Variants in HEG1 observed in about 807,000 individuals in gnomAD.
HEG1 encodes heart development protein with EGF like domains 1.
Under a neutral mutation model 125.6 loss-of-function variants are expected in HEG1, and 56 were observed. The observed-to-expected ratio is 0.45, with a 90% confidence interval of 0.36 to 0.56. HEG1 has a LOEUF of 0.56. HEG1 is among the 20% of genes least tolerant of loss of function. The pLI is 0.00. For missense variants in HEG1, 1,523 were observed against 1,670.0 expected (o/e 0.91, Z 1.53); for synonymous variants, 644 against 668.5 (o/e 0.96, Z 0.57).
rs562986598 is a variant in HEG1, at chr3:125,038,572, C to A, written c.317-9084G>T. On this transcript the variant is annotated intron_variant, in intron 1 of 16. Transcript: ENST00000311127. ...CGCTTTACACCATTCCAGGTGGCATCGCAGTGGGGACAATGGGTCAAATGC... is the reference window on the plus strand; with the variant it reads ...CGCTTTACACCATTCCAGGTGGCATAGCAGTGGGGACAATGGGTCAAATGC... Among the ~76,000 whole-genome samples the A allele has an allele frequency of 5.8e-4, 89 of 152,342 alleles. 2 individuals carry two copies. In the Middle Eastern group the frequency reaches 0.027, roughly 47 times the overall value.
chr3:124,991,236 A>G (rs1458637866), intron 12 of HEG1, among the ~76,000 whole-genome samples: 1 of 147,344 alleles, frequency 6.8e-6, no homozygotes, highest in Non-Finnish European at 1.5e-5. Context: ...TGCAACCTCC[A>G]CCTCCTGGGT....
chr3:124,984,383 GA>G (rs933721032), intron 14 of HEG1, among the ~76,000 whole-genome samples: 8 of 151,994 alleles, frequency 5.3e-5, no homozygotes, highest in African/African-American at 1.4e-4. Flanking sequence ...AAGAGGGATG[GA>G]AAAAAATGTC....
At position 124,969,934 on chromosome 3, in the gene HEG1, T is replaced by A. The variant is rs1936396773; in HGVS notation, c.*718A>T. 6.6e-6 allele frequency: 1 copy of A among 152,100 alleles called. No individual in the cohort carries two copies. 9.4% of individuals were successfully genotyped at this position (152,100 alleles called of 1,614,324 possible). On this transcript the variant is annotated 3_prime_UTR_variant, in exon 17 of 17. Transcript: ENST00000311127. ...CTTGTTTGAAAAAGTGAGATTTAAC[T>A]GCAAAGAGATTTAAAAAAAAAATCT...
At chr3:124,973,709 A>T (rs1196890086) in intron 16 of HEG1, 22 bp downstream of exon 16, 2 of 1,589,620 alleles carry the variant, frequency 1.3e-6, no homozygotes, top group Admixed American at 1.8e-5. Flanking sequence ...CCCTGGGGTC[A>T]TCCTGACACA....
intron 6 of HEG1, among the ~76,000 whole-genome samples, chr3:125,011,865 T>C (rs905219870): frequency 6.6e-6 from 1 of 152,230 alleles, no homozygotes; most frequent in Non-Finnish European, 1.5e-5. Context: ...AAAAGCTGCA[T>C]CATCCTACTT....
At chr3:124,983,574 A>G (rs552112062) in intron 14 of HEG1, among the ~76,000 whole-genome samples, 2 of 151,688 alleles carry the variant, frequency 1.3e-5, no homozygotes. Context: ...GGCTCAAGCA[A>G]TCCTCCCGCC....
chr3:125,024,930 G>T (rs146133543), intron 3 of HEG1, among the ~76,000 whole-genome samples: 1 of 152,230 alleles, frequency 6.6e-6, no homozygotes, highest in Non-Finnish European at 1.5e-5. Context: ...ATCACTCATC[G>T]GACTGGTGTA....
chr3:125,051,625 G>A (rs575114775), intron 1 of HEG1, among the ~76,000 whole-genome samples: 18 of 152,190 alleles, frequency 1.2e-4, no homozygotes, highest in African/African-American at 1.7e-4. Flanking sequence ...CAAAGGCCAG[G>A]GAGTCAAAAG....
chr3:124,980,651 T>G (rs1936632333), intron 14 of HEG1, among the ~76,000 whole-genome samples: 1 of 152,046 alleles, frequency 6.6e-6, no homozygotes, highest in Non-Finnish European at 1.5e-5. Flanking sequence ...TGAGTAGCTG[T>G]GATTACAGGC....
chr3:125,016,642 C>A (rs989154708), intron 5 of HEG1, among the ~76,000 whole-genome samples: 3 of 152,164 alleles, frequency 2.0e-5, no homozygotes, highest in Admixed American at 2.0e-4. Context: ...GTGTGGTATT[C>A]TTTCATGATA....
At chr3:125,009,291 T>C in intron 8 of HEG1, among the ~76,000 whole-genome samples, 1 of 152,190 alleles carries the variant, frequency 6.6e-6, no homozygotes, top group Admixed American at 6.5e-5. Context: ...AAATTGTTTT[T>C]TTTTTTTTTA....
intron 3 of HEG1, among the ~76,000 whole-genome samples, chr3:125,021,717 A>G (rs555411753): frequency 2.6e-5 from 4 of 152,308 alleles, no homozygotes; most frequent in Admixed American, 2.0e-4. Flanking sequence ...TCCCTACCTC[A>G]TGGCCACCAT....
At chr3:124,996,236 C>T (rs999496899) in intron 12 of HEG1, among the ~76,000 whole-genome samples, 2 of 152,076 alleles carry the variant, frequency 1.3e-5, no homozygotes, top group Admixed American at 6.5e-5. Flanking sequence ...AGGCATGCGT[C>T]ATCACACCCA....
At chr3:125,005,079 A>G (rs961865602) in intron 9 of HEG1, among the ~76,000 whole-genome samples, 186 bp downstream of exon 9, 1 of 152,242 alleles carries the variant, frequency 6.6e-6, no homozygotes, top group Non-Finnish European at 1.5e-5. Flanking sequence ...AAACTCTTCT[A>G]CTGGGCACAA....
chr3:125,055,815 C>G lies in HEG1; in HGVS notation c.76G>C (p.Ala26Pro), dbSNP rs1231589724. 8 of 979,216 alleles carry G rather than the reference C, an allele frequency of 8.2e-6. No homozygotes were observed. The highest frequency in any genetic ancestry group is 1.8e-5 in the African/African-American group (1 of 56,506). 60.7% of individuals were successfully genotyped at this position (979,216 alleles called of 1,614,324 possible). ...LLLPLLLLPPAAPGTRDPPPS... is the reference protein window; with the variant it reads ...LLLPLLLLPPPAPGTRDPPPS... ...GGCGGGTCCCGCGTCCCGGGGGCCG[C>G]CGGCGGCAGCAGCAGCAGCGGCAGC... Residue 26 changes from alanine (A) to proline (P), a missense_variant, in exon 1 of 17, where the codon GCG (alanine) becomes CCG (proline). Coordinates refer to ENST00000311127, the MANE Select transcript of HEG1 (RefSeq NM_020733.2).
At chr3:125,031,160 G>A (rs144859401) in intron 1 of HEG1, among the ~76,000 whole-genome samples, 375 of 152,260 alleles carry the variant, frequency 2.5e-3, no homozygotes, top group African/African-American at 7.8e-3. Flanking sequence ...GGTCAGAGCA[G>A]GTGCGTGGGA....
At chr3:124,997,558 A>G (rs1936940505) in intron 12 of HEG1, 131 bp downstream of exon 12, 2 of 809,528 alleles carry the variant, frequency 2.5e-6, no homozygotes, top group Non-Finnish European at 3.5e-6. Context: ...GAGCAAAATA[A>G]CAAGAACCAG....
chr3:124,975,778 C>G (rs142364093), intron 15 of HEG1, among the ~76,000 whole-genome samples: 23 of 152,284 alleles, frequency 1.5e-4, no homozygotes, highest in South Asian at 4.1e-4. Flanking sequence ...TAGAATCATA[C>G]AGTAGGTGGT....
chr3:124,981,644 G>A (rs1318549744), intron 14 of HEG1, among the ~76,000 whole-genome samples: 1 of 152,182 alleles, frequency 6.6e-6, no homozygotes, highest in Non-Finnish European at 1.5e-5. Flanking sequence ...CAGACCGTGG[G>A]TAGCACTGGT....
Sources: allele counts gnomAD v4.1 joint callset (sites outside exome capture counted in the v4.1 genomes callset), GRCh38; gene constraint gnomAD v4.1.1; transcripts MANE v1.5; gene names NCBI Gene and HGNC (gene_info 2026-07-23, HGNC 2026-07-21).